IGSF21: variants seen among roughly 807,000 people sequenced by gnomAD.
IGSF21 encodes the protein immunoglobulin superfamily member 21.
In IGSF21, 28 loss-of-function variants were observed where a neutral mutation model predicts 46.8. The ratio of observed to expected loss-of-function variants is 0.60; its 90% CI spans 0.44 to 0.82. The LOEUF (loss-of-function observed/expected upper bound fraction) is 0.82, where lower values mean the gene tolerates loss of function less well. Ranked by LOEUF, IGSF21 falls within the 40% of genes least tolerant of loss-of-function variation. The pLI is 0.00. For synonymous variants in IGSF21, 284 were observed against 273.6 expected (o/e 1.04, Z -0.38); for missense variants, 624 against 665.5 (o/e 0.94, Z 0.69).
chr1:18,241,017 G>A (rs1215320279), intron 2 of IGSF21, among the ~76,000 whole-genome samples: 1 of 152,180 alleles, frequency 6.6e-6, no homozygotes, highest in Admixed American at 6.5e-5. Context: ...CCAGGAGTAG[G>A]GTTATGTGAC....
intron 2 of IGSF21, among the ~76,000 whole-genome samples, chr1:18,256,372 C>T (rs925377724): frequency 6.6e-6 from 1 of 152,190 alleles, no homozygotes; most frequent in African/African-American, 2.4e-5. Flanking sequence ...TTTGCTTTCA[C>T]TGCTGGAGCC....
intron 2 of IGSF21, 31 bp downstream of exon 2, chr1:18,228,041 C>A: frequency 1.3e-6 from 2 of 1,540,254 alleles, no homozygotes; most frequent in South Asian, 1.1e-5. Context: ...CCTTCATGCC[C>A]ATGGCCAGGA....
chr1:18,154,826 C>T (rs2086554036), intron 1 of IGSF21, among the ~76,000 whole-genome samples: 1 of 151,878 alleles, frequency 6.6e-6, no homozygotes, highest in Non-Finnish European at 1.5e-5. Flanking sequence ...CCTTCATTTT[C>T]CTTTCACTTC....
At chr1:18,336,583 G>C (rs2085768502) in intron 4 of IGSF21, among the ~76,000 whole-genome samples, 3 of 152,216 alleles carry the variant, frequency 2.0e-5, no homozygotes, top group Admixed American at 6.5e-5. Flanking sequence ...GCTGGAGGCA[G>C]TGAAGACACT....
At position 18,341,130 on chromosome 1, in the gene IGSF21, C is replaced by CT. The variant is rs58687417; in HGVS notation, c.424+6132dup. On this transcript the variant is annotated intron_variant, in intron 4 of 9. Coordinates refer to ENST00000251296, the MANE Select transcript of IGSF21 (RefSeq NM_032880.5). The stretch of plus-strand genomic sequence containing the variant: ...TCCCCCTCCTTCTCCTTCTTCTTCT[C>CT]TTTTTTTTTTTTGTGTGTGTGAGAC... Among the ~76,000 whole-genome samples the CT allele has an allele frequency of 2.8e-3, 380 of 136,048 alleles. 1 individual carries two copies. The highest frequency in any genetic ancestry group is 5.2e-3 in the African/African-American group (193 of 36,922). The allele number at this position is 136,048 out of a possible 152,430, so 89.3% of individuals were successfully genotyped here. A position where few individuals can be genotyped will look rare whatever the true frequency, so the allele number is the denominator to read the frequency against.
chr1:18,361,491 A>C (rs1287709477), intron 4 of IGSF21: 1 of 152,394 alleles, frequency 6.6e-6, no homozygotes, highest in Non-Finnish European at 1.5e-5. Flanking sequence ...CCCTGACAGC[A>C]CACCACGTGC....
At chr1:18,172,162 C>G (rs2086743204) in intron 1 of IGSF21, among the ~76,000 whole-genome samples, 1 of 152,158 alleles carries the variant, frequency 6.6e-6, no homozygotes, top group Non-Finnish European at 1.5e-5. Flanking sequence ...CCCCCTAGCT[C>G]AAGACTTCTT....
At chr1:18,321,658 C>T (rs1404846327) in intron 3 of IGSF21, among the ~76,000 whole-genome samples, 1 of 152,152 alleles carries the variant, frequency 6.6e-6, no homozygotes, top group Non-Finnish European at 1.5e-5. Context: ...CTGGAAGAGA[C>T]CAGGCAGCTC....
chr1:18,183,428 T>C (rs186326005), intron 1 of IGSF21, among the ~76,000 whole-genome samples: 144 of 152,312 alleles, frequency 9.5e-4, no homozygotes, highest in Non-Finnish European at 9.3e-4. Context: ...AGATAGGATA[T>C]ATGGCAGCTG....
chr1:18,323,496 C>T (rs2085625152), intron 3 of IGSF21, among the ~76,000 whole-genome samples: 2 of 152,126 alleles, frequency 1.3e-5, no homozygotes, highest in South Asian at 2.1e-4. Context: ...AAGAGTTGTC[C>T]CCTCGTTCTC....
intron 1 of IGSF21, among the ~76,000 whole-genome samples, chr1:18,156,193 A>G (rs2086566765): frequency 6.6e-6 from 1 of 152,118 alleles, no homozygotes; most frequent in Non-Finnish European, 1.5e-5. Context: ...TGGGGCTGGC[A>G]CTTCCAGGGG....
chr1:18,369,437 G>A (rs1041921170), intron 6 of IGSF21, among the ~76,000 whole-genome samples: 7 of 152,196 alleles, frequency 4.6e-5, no homozygotes, highest in Non-Finnish European at 1.0e-4. Flanking sequence ...CAGGTTTAGA[G>A]TAACCTTTCT....
chr1:18,375,297 TTGAG>T (rs1266304419), intron 6 of IGSF21, among the ~76,000 whole-genome samples: 4 of 152,100 alleles, frequency 2.6e-5, no homozygotes, highest in African/African-American at 9.7e-5. Flanking sequence ...ATAATTACTG[TTGAG>T]TGAGTGAGTG....
At chr1:18,338,810 C>G (rs1226305504) in intron 4 of IGSF21, among the ~76,000 whole-genome samples, 1 of 151,646 alleles carries the variant, frequency 6.6e-6, no homozygotes. Flanking sequence ...AAATTGTAAG[C>G]CAATTTGAAA....
intron 1 of IGSF21, among the ~76,000 whole-genome samples, chr1:18,161,801 G>A (rs895874278): frequency 9.2e-5 from 14 of 152,222 alleles, no homozygotes; most frequent in South Asian, 4.2e-4. Flanking sequence ...AAGGCAAAGC[G>A]GTGGAGCAAA....
chr1:18,199,752 G>T (rs2087049661), intron 1 of IGSF21, among the ~76,000 whole-genome samples: 1 of 151,876 alleles, frequency 6.6e-6, no homozygotes, highest in Non-Finnish European at 1.5e-5. Flanking sequence ...CGCTTCCATT[G>T]TCTGCTCCAC....
At chr1:18,115,152 C>G (rs532055282) in intron 1 of IGSF21, 8 of 152,554 alleles carry the variant, frequency 5.2e-5, no homozygotes, top group African/African-American at 1.7e-4. Flanking sequence ...CCTCCTCCCC[C>G]ACTTCCGCCC....
At chr1:18,163,226 G>T (rs1234498961) in intron 1 of IGSF21, among the ~76,000 whole-genome samples, 1 of 151,712 alleles carries the variant, frequency 6.6e-6, no homozygotes, top group Non-Finnish European at 1.5e-5. Context: ...TTCTGGAATT[G>T]TTGGGCAAAA....
At chr1:18,252,052 T>C (rs964744593) in intron 2 of IGSF21, among the ~76,000 whole-genome samples, 2 of 133,334 alleles carry the variant, frequency 1.5e-5, no homozygotes, top group African/African-American at 5.7e-5. Flanking sequence ...GGCGTTTTTT[T>C]TTTTTTTTTT....
Sources: allele counts gnomAD v4.1 joint callset (sites outside exome capture counted in the v4.1 genomes callset), GRCh38; gene constraint gnomAD v4.1.1; transcripts MANE v1.5; gene names NCBI Gene and HGNC (gene_info 2026-07-23, HGNC 2026-07-21).